Variants in PTPRD observed in about 807,000 individuals in gnomAD.
PTPRD encodes protein tyrosine phosphatase receptor type D, also known as receptor-type tyrosine-protein phosphatase delta.
In PTPRD, 34 loss-of-function variants were observed where a neutral mutation model predicts 214.5. The ratio of observed to expected loss-of-function variants is 0.16; its 90% CI spans 0.12 to 0.21. The LOEUF (loss-of-function observed/expected upper bound fraction) is 0.21. PTPRD is among the 10% of genes least tolerant of loss of function. The pLI, the probability that PTPRD is intolerant of heterozygous loss-of-function variation, is 1.00. For missense variants in PTPRD, 2,545 were observed against 2,398.7 expected (o/e 1.06, Z -1.27); for synonymous variants, 1,128 against 845.7 (o/e 1.33, Z -5.79).
At chr9:8,897,124 T>C (rs1434871700) in intron 11 of PTPRD, among the ~76,000 whole-genome samples, 2 of 152,192 alleles carry the variant, frequency 1.3e-5, no homozygotes, top group African/African-American at 4.8e-5. Flanking sequence ...AGCCATAATA[T>C]TTCATTTTGT....
chr9:10,264,914 G>A (rs971375073), intron 3 of PTPRD, among the ~76,000 whole-genome samples: 1 of 152,118 alleles, frequency 6.6e-6, no homozygotes, highest in African/African-American at 2.4e-5. Flanking sequence ...TCATGGTAGT[G>A]AATAAGTCTC....
chr9:9,402,679 A>T (rs2071159530), intron 8 of PTPRD, among the ~76,000 whole-genome samples: 1 of 152,068 alleles, frequency 6.6e-6, no homozygotes, highest in Admixed American at 6.6e-5. Context: ...TTATGAAATG[A>T]GTATTTAAAA....
chr9:8,654,767 A>G (rs1015579827), intron 12 of PTPRD, among the ~76,000 whole-genome samples: 1 of 152,176 alleles, frequency 6.6e-6, no homozygotes, highest in African/African-American at 2.4e-5. Context: ...ACATGACTAC[A>G]GTAATTGGTT....
At chr9:9,255,347 G>A (rs984932934) in intron 9 of PTPRD, among the ~76,000 whole-genome samples, 1 of 151,974 alleles carries the variant, frequency 6.6e-6, no homozygotes, top group Non-Finnish European at 1.5e-5. Context: ...TGCTTCTTAA[G>A]GTGACCAGAA....
chr9:9,006,837 A>C (rs2099472267), intron 11 of PTPRD, among the ~76,000 whole-genome samples: 1 of 152,026 alleles, frequency 6.6e-6, no homozygotes, highest in African/African-American at 2.4e-5. Flanking sequence ...CTATTTAATG[A>C]AGCAGTACTT....
intron 14 of PTPRD, among the ~76,000 whole-genome samples, chr9:8,618,780 T>C (rs1411136690): frequency 3.3e-5 from 5 of 151,968 alleles, no homozygotes; most frequent in African/African-American, 9.6e-5. Flanking sequence ...CACTGTAACT[T>C]CCACCTCCTG....
chr9:8,762,534 T>A (rs12003472), intron 11 of PTPRD, among the ~76,000 whole-genome samples: 104,186 of 151,958 alleles, frequency 0.69, 35,799 homozygotes, highest in Middle Eastern at 0.77. Context: ...TTTCTAACAC[T>A]TCTCTCTGGC....
At chr9:8,611,147 T>C (rs1270267935) in intron 14 of PTPRD, among the ~76,000 whole-genome samples, 2 of 152,210 alleles carry the variant, frequency 1.3e-5, no homozygotes, top group East Asian at 3.8e-4. Context: ...TTTTCACAAC[T>C]GAGAATGTTT....
At chr9:9,080,534 A>T (rs1390224770) in intron 10 of PTPRD, among the ~76,000 whole-genome samples, 4 of 152,036 alleles carry the variant, frequency 2.6e-5, no homozygotes, top group Admixed American at 2.6e-4. Flanking sequence ...AATAATATAC[A>T]AATAGGGTTA....
At chr9:8,425,352 T>C (rs1190362431) in intron 35 of PTPRD, among the ~76,000 whole-genome samples, 1 of 152,172 alleles carries the variant, frequency 6.6e-6, no homozygotes, top group Non-Finnish European at 1.5e-5. Context: ...TTTCTGAACA[T>C]TTTTGAAATC....
intron 19 of PTPRD, among the ~76,000 whole-genome samples, chr9:8,521,916 G>T (rs72694778): frequency 2.0e-3 from 311 of 152,280 alleles, no homozygotes; most frequent in Non-Finnish European, 3.8e-3. Flanking sequence ...TGTATATGCA[G>T]AAAAGGGGGC....
chr9:8,807,894 C>A (rs1169808308), intron 11 of PTPRD, among the ~76,000 whole-genome samples: 2 of 152,046 alleles, frequency 1.3e-5, no homozygotes, highest in South Asian at 2.1e-4. Flanking sequence ...CAAAATGGGT[C>A]TAAAGAGAAT....
intron 10 of PTPRD, among the ~76,000 whole-genome samples, chr9:9,173,566 T>C (rs1010213858): frequency 4.6e-5 from 7 of 152,272 alleles, no homozygotes; most frequent in South Asian, 2.1e-4. Context: ...TGGTATAGCT[T>C]ATTACTCCTA....
At chr9:8,877,609 T>C (rs1055444093) in intron 11 of PTPRD, among the ~76,000 whole-genome samples, 1 of 152,226 alleles carries the variant, frequency 6.6e-6, no homozygotes, top group Non-Finnish European at 1.5e-5. Flanking sequence ...TCATATTTGC[T>C]TCTATTTACA....
chr9:9,319,057 C>T (rs1422364365), intron 9 of PTPRD, among the ~76,000 whole-genome samples: 1 of 152,210 alleles, frequency 6.6e-6, no homozygotes, highest in Non-Finnish European at 1.5e-5. Flanking sequence ...AGTTCCTGAA[C>T]AGGCTGCAAT....
intron 3 of PTPRD, among the ~76,000 whole-genome samples, chr9:10,141,046 A>G (rs1161214450): frequency 6.6e-6 from 1 of 152,274 alleles, no homozygotes; most frequent in Non-Finnish European, 1.5e-5. Flanking sequence ...ACAAAATTCA[A>G]CAACCCTTCA....
At chr9:9,743,861 T>C (rs995901815) in intron 6 of PTPRD, among the ~76,000 whole-genome samples, 1 of 152,018 alleles carries the variant, frequency 6.6e-6, no homozygotes, top group African/African-American at 2.4e-5. Flanking sequence ...TGAATTTTTA[T>C]CCAAGAAGAA....
chr9:8,324,729 C>T (rs908891889), intron 44 of PTPRD, among the ~76,000 whole-genome samples: 1 of 152,142 alleles, frequency 6.6e-6, no homozygotes, highest in Non-Finnish European at 1.5e-5. Flanking sequence ...AGTGTAAAAG[C>T]ATTCCTATTT....
At chr9:9,989,377 G>A (rs1397793969) in intron 4 of PTPRD, among the ~76,000 whole-genome samples, 1 of 152,124 alleles carries the variant, frequency 6.6e-6, no homozygotes, top group Non-Finnish European at 1.5e-5. Context: ...AAGCTCCACT[G>A]GTAGAGGAGC....
Sources: allele counts gnomAD v4.1 joint callset (sites outside exome capture counted in the v4.1 genomes callset), GRCh38; gene constraint gnomAD v4.1.1; transcripts MANE v1.5; gene names NCBI Gene and HGNC (gene_info 2026-07-23, HGNC 2026-07-21).